Variants in PLA2G2F observed in about 807,000 individuals in gnomAD.
PLA2G2F encodes the protein phospholipase A2 group IIF.
In PLA2G2F, 17 loss-of-function variants were observed where a neutral mutation model predicts 15.9. That is an observed-to-expected ratio of 1.07 (90% CI 0.73 to 1.60). PLA2G2F has a LOEUF of 1.60. Among genes scored for constraint, PLA2G2F ranks in the 40% most tolerant of loss-of-function variants. PLA2G2F has a pLI of 0.00. For missense variants in PLA2G2F, 299 were observed against 278.2 expected (o/e 1.07, Z -0.53); for synonymous variants, 119 against 106.5 (o/e 1.12, Z -0.72).
rs184722934 is a variant in PLA2G2F at position 20,144,177 on chromosome 1, C to A, written c.315-403C>A. 264 of 238,120 alleles carry A rather than the reference C, an allele frequency of 1.1e-3. 7 individuals are homozygous for A. The East Asian group carries it at 0.023, about 21-fold the overall frequency. The allele number at this position is 238,120 out of a possible 1,614,324, so 14.8% of individuals were successfully genotyped here. On this transcript the variant is annotated intron_variant, in intron 3 of 4. Transcript: ENST00000375102. ...GTTGACCCTCCAGACCTTTGTCCCT[C>A]CCTGGCCATGAGGCACAGCCAGGGG...
At chr1:20,144,898 G>A (rs1184075960) in intron 4 of PLA2G2F, among the ~76,000 whole-genome samples, 2 of 152,214 alleles carry the variant, frequency 1.3e-5, no homozygotes, top group African/African-American at 4.8e-5. Flanking sequence ...CTAATGTGGT[G>A]AAAACCCGTC....
rs111426554 is a variant in PLA2G2F at position 20,139,377 on chromosome 1, G to C, written c.-51G>C. 2.3e-5 allele frequency: 32 copies of C among 1,385,118 alleles called. No homozygotes were observed. The highest frequency in any genetic ancestry group is 3.0e-5 in the Non-Finnish European group (30 of 996,262). 85.8% of individuals were successfully genotyped at this position (1,385,118 alleles called of 1,614,324 possible). A position where few individuals can be genotyped will look rare whatever the true frequency, so the allele number is the denominator to read the frequency against. On this transcript the variant is annotated 5_prime_UTR_variant, in exon 1 of 5. Transcript: ENST00000375102. ...GCCTGCTCCCCGCAGCCTCTGGAGCGCATCTCAGACCTTCTGAGACCTATG... is the reference window on the plus strand; with the variant it reads ...GCCTGCTCCCCGCAGCCTCTGGAGCCCATCTCAGACCTTCTGAGACCTATG...
intron 2 of PLA2G2F, chr1:20,140,419 T>C (rs1160607839): frequency 5.1e-6 from 3 of 585,938 alleles, no homozygotes; most frequent in Non-Finnish European, 9.0e-6. Context: ...CATGCATTTA[T>C]GAGCCCTGGG....
At chr1:20,146,947 C>T (rs1253283698) in intron 4 of PLA2G2F, among the ~76,000 whole-genome samples, 1 of 152,162 alleles carries the variant, frequency 6.6e-6, no homozygotes, top group Non-Finnish European at 1.5e-5. Flanking sequence ...GCCAGAGGCC[C>T]TGAGAGGTGC....
rs1459499640 is a variant in PLA2G2F, at chr1:20,144,647, C to A, written c.382C>A (p.His128Asn). The A allele has an allele frequency of 5.6e-6, 9 of 1,611,588 alleles. No individual in the cohort carries two copies. Among genetic ancestry groups the A allele is most frequent in the Non-Finnish European group, 7.6e-6 (9 of 1,178,958 alleles). Reference sequence around the variant, plus strand: ...CCAAGGCTGTCACCCCTATGTGGACCACTATGATCACACCATCGAGAACAA... The same window carrying A: ...CCAAGGCTGTCACCCCTATGTGGACAACTATGATCACACCATCGAGAACAA... Reference protein sequence around the residue: ...FDQGCHPYVDHYDHTIENNTE... With the variant: ...FDQGCHPYVDNYDHTIENNTE... Residue 128 changes from histidine to asparagine, a missense_variant, in exon 4 of 5, where the codon CAC (histidine) becomes AAC (asparagine). Transcript: ENST00000375102.
intron 2 of PLA2G2F, 113 bp downstream of exon 2, chr1:20,140,331 C>A: frequency 8.6e-7 from 1 of 1,164,322 alleles, no homozygotes; most frequent in Non-Finnish European, 1.2e-6. Flanking sequence ...CTTCCTGTCT[C>A]TGGGCTTCTG....
intron 2 of PLA2G2F, chr1:20,140,420 G>A: frequency 1.7e-6 from 1 of 581,618 alleles, no homozygotes; most frequent in Non-Finnish European, 3.0e-6. Flanking sequence ...ATGCATTTAT[G>A]AGCCCTGGGG....
At position 20,143,437 on chromosome 1, in the gene PLA2G2F, C is replaced by T; in HGVS notation, c.170-9C>T. On this transcript the variant is annotated splice_polypyrimidine_tract_variant and intron_variant, in intron 2 of 4. Coordinates refer to ENST00000375102, the MANE Select transcript of PLA2G2F (RefSeq NM_022819.4). ...CAGGGGCTCAGAGCACCCCCTGGTT[C>T]TCTTGCAGTTCTGTCCACAGCTCAC... is the stretch of plus-strand genomic sequence containing the variant. 1 of 1,612,596 alleles carries T rather than the reference C, an allele frequency of 6.2e-7. No homozygotes were observed. Among genetic ancestry groups the T allele is most frequent in the Non-Finnish European group, 8.5e-7 (1 of 1,178,910 alleles).
chr1:20,148,005 C>A (rs1471353828), intron 4 of PLA2G2F, among the ~76,000 whole-genome samples, 185 bp from the exon 5 acceptor site: 1 of 152,142 alleles, frequency 6.6e-6, no homozygotes, highest in African/African-American at 2.4e-5. Flanking sequence ...CGGGCCCCAG[C>A]CCAGAGCTGC....
Position 20,148,620 on chromosome 1 carries a change from T to C in PLA2G2F, c.*219T>C. 1 of 591,522 alleles carries C rather than the reference T, an allele frequency of 1.7e-6. No homozygotes were observed. Among genetic ancestry groups the C allele is most frequent in the Non-Finnish European group, 3.0e-6 (1 of 331,866 alleles). The allele number at this position is 591,522 out of a possible 1,614,324, so 36.6% of individuals were successfully genotyped here. A position where few individuals can be genotyped will look rare whatever the true frequency, so the allele number is the denominator to read the frequency against. ...CATGGGTGCCTCCTGCTGCTGGTTC[T>C]GGACTGGGTGGGAGGCACGGAGCTT... On this transcript the variant is annotated 3_prime_UTR_variant, in exon 5 of 5. Transcript: ENST00000375102.
At chr1:20,143,271 C>T in intron 2 of PLA2G2F, 175 bp from the exon 3 acceptor site, 1 of 742,652 alleles carries the variant, frequency 1.3e-6, no homozygotes, top group Non-Finnish European at 2.2e-6. Context: ...AGATTTCTTT[C>T]CTCTGGCTTA....
Position 20,144,626 on chromosome 1 carries a change from G to A in PLA2G2F, c.361G>A (p.Gly121Ser), listed in dbSNP as rs762552528. The change falls in exon 4 of 5, where the codon GGC becomes AGC. Residue 121 changes from glycine (G) to serine (S), a missense_variant. By Grantham distance (56) the Gly-to-Ser change is moderately conservative. Coordinates refer to ENST00000375102, the MANE Select transcript of PLA2G2F (RefSeq NM_022819.4). Reference sequence around the variant, plus strand: ...CTGCTACCAGGAACTCTTTGACCAAGGCTGTCACCCCTATGTGGACCACTA... The same window carrying A: ...CTGCTACCAGGAACTCTTTGACCAAAGCTGTCACCCCTATGTGGACCACTA... ...DCCYQELFDQGCHPYVDHYDH... is the reference protein window; with the variant it reads ...DCCYQELFDQSCHPYVDHYDH... 1 of 1,612,598 alleles carries A rather than the reference G, an allele frequency of 6.2e-7. No homozygotes were observed. The highest frequency in any genetic ancestry group is 8.5e-7 in the Non-Finnish European group (1 of 1,179,390).
intron 2 of PLA2G2F, 25 bp downstream of exon 2, chr1:20,140,243 C>T (rs1319513959): frequency 6.2e-7 from 1 of 1,611,020 alleles, no homozygotes; most frequent in African/African-American, 1.3e-5. Flanking sequence ...CAGAGGGCTC[C>T]TCCTTCTCTC....
chr1:20,144,215 A>G, intron 3 of PLA2G2F: 1 of 261,588 alleles, frequency 3.8e-6, no homozygotes, highest in Non-Finnish European at 7.4e-6. Flanking sequence ...GCCTCTGCCT[A>G]CAGTCGACGC....
At chr1:20,148,084 G>A in intron 4 of PLA2G2F, 106 bp from the exon 5 acceptor site, 1 of 934,344 alleles carries the variant, frequency 1.1e-6, no homozygotes, top group Non-Finnish European at 1.7e-6. Context: ...CACATTCCAA[G>A]GACCACTGGG....
intron 4 of PLA2G2F, among the ~76,000 whole-genome samples, chr1:20,146,567 GGCCCAGCCTGTGGGCAACCAC>G (rs2017612616): frequency 6.6e-6 from 1 of 152,196 alleles, no homozygotes; most frequent in Admixed American, 6.5e-5. Flanking sequence ...GACTCCCCCT[GGCCCAGCCTGTGGGCAACCAC>G]TGGGCCCTCT....
chr1:20,145,036 C>T (rs1050974342), intron 4 of PLA2G2F, among the ~76,000 whole-genome samples: 1 of 152,002 alleles, frequency 6.6e-6, no homozygotes, highest in Non-Finnish European at 1.5e-5. Flanking sequence ...CAAGATCGCA[C>T]GCCACTGCAT....
Position 20,144,602 on chromosome 1 carries a change from T to C in PLA2G2F, c.337T>C (p.Cys113Arg). 1.2e-6 allele frequency: 2 copies of C among 1,611,886 alleles called. No homozygotes were observed. The highest frequency in any genetic ancestry group is 1.7e-6 in the Non-Finnish European group (2 of 1,179,090). Reference sequence around the variant, plus strand: ...TAGGTGCTGCCACGCCCACGACTGCTGCTACCAGGAACTCTTTGACCAAGG... The same window carrying C: ...TAGGTGCTGCCACGCCCACGACTGCCGCTACCAGGAACTCTTTGACCAAGG... ...VDWCCHAHDCCYQELFDQGCH... is the reference protein window; with the variant it reads ...VDWCCHAHDCRYQELFDQGCH... Residue 113 changes from cysteine to arginine, a missense_variant, in exon 4 of 5, where the codon TGC (cysteine) becomes CGC (arginine). Transcript: ENST00000375102.
At chr1:20,144,556 C>T (rs764838680) in intron 3 of PLA2G2F, 24 bp from the exon 4 acceptor site, 2 of 1,566,356 alleles carry the variant, frequency 1.3e-6, no homozygotes, top group Non-Finnish European at 1.7e-6. Flanking sequence ...CCATGCCTGT[C>T]CACTCACCTC....
Sources: gnomAD v4.1 joint callset for allele counts (sites outside exome capture counted in the v4.1 genomes callset) on GRCh38, gnomAD v4.1.1 for gene constraint, MANE v1.5 for transcripts, NCBI Gene and HGNC (gene_info 2026-07-23, HGNC 2026-07-21) for gene names.